SCHIP1: variants seen among roughly 807,000 people sequenced by gnomAD.
SCHIP1 encodes schwannomin-interacting protein 1.
In SCHIP1, 8 loss-of-function variants were observed where a neutral mutation model predicts 29.7. That is an observed-to-expected ratio of 0.27 (90% CI 0.16 to 0.49). The LOEUF is 0.49. SCHIP1 is among the 20% of genes least tolerant of loss of function. SCHIP1 has a pLI of 0.99. For missense variants in SCHIP1, 193 were observed against 294.6 expected (o/e 0.66, Z 2.52); for synonymous variants, 76 against 94.9 (o/e 0.80, Z 1.16).
chr3:159,867,120 G>A (rs984347405), intron 2 of SCHIP1, among the ~76,000 whole-genome samples: 4 of 152,140 alleles, frequency 2.6e-5, no homozygotes, highest in African/African-American at 4.8e-5. Flanking sequence ...TATTCCAAGT[G>A]ATGAAAGCAT....
At chr3:159,485,097 T>C in the SCHIP1 span, among the ~76,000 whole-genome samples, 1 of 152,176 alleles carries the variant, frequency 6.6e-6, no homozygotes, top group African/African-American at 2.4e-5. Flanking sequence ...AAATCAATGT[T>C]TGGTCCTAAG....
the SCHIP1 span, among the ~76,000 whole-genome samples, chr3:159,540,396 C>A: frequency 1.2e-4 from 18 of 152,106 alleles, no homozygotes; most frequent in East Asian, 3.3e-3. Context: ...TAACCATGAC[C>A]AAAATTTGGA....
the SCHIP1 span, among the ~76,000 whole-genome samples, chr3:159,418,697 G>A: frequency 6.6e-6 from 1 of 152,190 alleles, no homozygotes; most frequent in Non-Finnish European, 1.5e-5. Flanking sequence ...CTCAAGGTCA[G>A]ACTTCATTAG....
the SCHIP1 span, among the ~76,000 whole-genome samples, chr3:159,753,008 T>C: frequency 6.6e-6 from 1 of 152,204 alleles, no homozygotes; most frequent in Non-Finnish European, 1.5e-5. Context: ...TAGATCCTCA[T>C]TTCTGTGTCC....
At chr3:159,785,488 G>A in the SCHIP1 span, among the ~76,000 whole-genome samples, 2 of 151,948 alleles carry the variant, frequency 1.3e-5, no homozygotes, top group Non-Finnish European at 2.9e-5. Flanking sequence ...AGAGCCAGGA[G>A]TTGACAGCCA....
At chr3:159,517,266 A>G in the SCHIP1 span, among the ~76,000 whole-genome samples, 4 of 152,214 alleles carry the variant, frequency 2.6e-5, no homozygotes, top group African/African-American at 9.6e-5. Flanking sequence ...TTTGTCAGAC[A>G]AAAGTTTGGT....
chr3:159,431,412 C>G, the SCHIP1 span, among the ~76,000 whole-genome samples: 16 of 151,974 alleles, frequency 1.1e-4, no homozygotes, highest in African/African-American at 3.9e-4. Context: ...GAGTAGCCAG[C>G]CTGAATAGAG....
the SCHIP1 span, among the ~76,000 whole-genome samples, chr3:159,601,158 G>C: frequency 1.3e-3 from 197 of 152,252 alleles, no homozygotes; most frequent in African/African-American, 4.5e-3. Flanking sequence ...TCTTGCTCCA[G>C]GTGCCTTGCT....
the SCHIP1 span, among the ~76,000 whole-genome samples, chr3:159,782,407 A>T: frequency 1.3e-5 from 2 of 152,210 alleles, no homozygotes; most frequent in Admixed American, 1.3e-4. Context: ...ACAATAACAC[A>T]ATAGCTGTTT....
At chr3:159,331,079 G>A in the SCHIP1 span, among the ~76,000 whole-genome samples, 1 of 152,206 alleles carries the variant, frequency 6.6e-6, no homozygotes. Context: ...GGGTTTGAGT[G>A]CAAGTACTTA....
At chr3:159,895,176 A>C (rs1717940001) in intron 6 of SCHIP1, among the ~76,000 whole-genome samples, 1 of 152,170 alleles carries the variant, frequency 6.6e-6, no homozygotes, top group South Asian at 2.1e-4. Context: ...GCTAAAGGGG[A>C]CAGATTTTTT....
the SCHIP1 span, among the ~76,000 whole-genome samples, chr3:159,286,216 C>G: frequency 1.3e-5 from 2 of 152,108 alleles, no homozygotes; most frequent in Non-Finnish European, 2.9e-5. Context: ...TGATGCTCAT[C>G]CTCCTTCCTC....
chr3:159,402,656 T>A, the SCHIP1 span, among the ~76,000 whole-genome samples: 1 of 152,188 alleles, frequency 6.6e-6, no homozygotes, highest in South Asian at 2.1e-4. Flanking sequence ...CTGGAAACCA[T>A]CATTCTCAGC....
chr3:159,637,417 A>ACACACG, the SCHIP1 span, among the ~76,000 whole-genome samples: 1 of 140,100 alleles, frequency 7.1e-6, no homozygotes, highest in South Asian at 2.2e-4. Flanking sequence ...ACACACACAC[A>ACACACG]CACACCTGAC....
chr3:159,897,148 C>T lies in SCHIP1; in HGVS notation c.*374C>T, dbSNP rs567595433. 27 of 158,298 alleles carry T rather than the reference C, an allele frequency of 1.7e-4. 1 individual carries two copies. The East Asian group carries it at 2.9e-3, about 17-fold the overall frequency. 9.8% of individuals were successfully genotyped at this position (158,298 alleles called of 1,614,324 possible). A position where few individuals can be genotyped will look rare whatever the true frequency, so the allele number is the denominator to read the frequency against. On this transcript the variant is annotated 3_prime_UTR_variant, in exon 7 of 7. Transcript: ENST00000445224. Reference sequence around the variant, plus strand: ...AGTTTTAAAGAAGAACTGTAAATGACGGTGCTATACAAGTCAAAAAATACA... The same window carrying T: ...AGTTTTAAAGAAGAACTGTAAATGATGGTGCTATACAAGTCAAAAAATACA...
the SCHIP1 span, among the ~76,000 whole-genome samples, chr3:159,701,629 CTG>C: frequency 2.6e-5 from 4 of 151,906 alleles, no homozygotes; most frequent in African/African-American, 9.7e-5. Flanking sequence ...TCTATATGAT[CTG>C]TTGTTTTTTA....
the SCHIP1 span, among the ~76,000 whole-genome samples, chr3:159,469,567 G>A: frequency 6.6e-6 from 1 of 152,178 alleles, no homozygotes; most frequent in Admixed American, 6.5e-5. Context: ...CTTGGGGACA[G>A]AAATGTGCAG....
the SCHIP1 span, among the ~76,000 whole-genome samples, chr3:159,513,223 G>A: frequency 9.2e-5 from 14 of 152,156 alleles, no homozygotes; most frequent in Admixed American, 2.0e-4. Flanking sequence ...GGTACAGAGA[G>A]GGGAGATTTG....
At chr3:159,530,984 T>C in the SCHIP1 span, among the ~76,000 whole-genome samples, 1 of 152,326 alleles carries the variant, frequency 6.6e-6, no homozygotes, top group South Asian at 2.1e-4. Context: ...AGTAAAACTC[T>C]CTTCTGACAG....
Sources: allele counts gnomAD v4.1 joint callset (sites outside exome capture counted in the v4.1 genomes callset), GRCh38; gene constraint gnomAD v4.1.1; transcripts MANE v1.5; gene names NCBI Gene and HGNC (gene_info 2026-07-23, HGNC 2026-07-21).